The following DPP6 variants were observed in gnomAD, a reference collection of about 807,000 sequenced individuals.
DPP6 encodes dipeptidyl peptidase like 6.
DPP6 carries 69 observed loss-of-function variants against 122.6 expected under a neutral mutation model. The observed-to-expected ratio is 0.56, with a 90% confidence interval of 0.46 to 0.69. The LOEUF (loss-of-function observed/expected upper bound fraction) is 0.69, where lower values mean the gene tolerates loss of function less well. Among genes scored for constraint, DPP6 ranks in the 30% least tolerant of loss-of-function variants. DPP6 has a pLI of 0.00. For synonymous variants in DPP6, 418 were observed against 433.1 expected (o/e 0.97, Z 0.43); for missense variants, 928 against 1,116.9 (o/e 0.83, Z 2.41).
chr7:154,539,471 A>G (rs904182322), intron 3 of DPP6, among the ~76,000 whole-genome samples: 3 of 152,132 alleles, frequency 2.0e-5, no homozygotes, highest in Non-Finnish European at 2.9e-5. Context: ...ATCACACACC[A>G]GGGCCTGTTG....
rs931248011 is a variant in DPP6 at position 154,755,877 on chromosome 7, C to T, written c.884-13540C>T. ...TCTGTCTTCATCGTGTGTCTTGGGT[C>T]CCCCTTCGTAATGATACTGTCCTCA... is the stretch of plus-strand genomic sequence containing the variant. On this transcript the variant is annotated intron_variant, in intron 8 of 25. Transcript: ENST00000377770. The surrounding 1 kb of genome is among the most constrained non-coding windows in gnomAD (Gnocchi z 4.7). Among the ~76,000 whole-genome samples the T allele has an allele frequency of 6.6e-6, 1 of 152,078 alleles. No homozygotes were observed. The highest frequency in any genetic ancestry group is 1.5e-5 in the Non-Finnish European group (1 of 68,028).
intron 1 of DPP6, among the ~76,000 whole-genome samples, chr7:154,091,360 T>C (rs1804821027): frequency 6.6e-6 from 1 of 152,178 alleles, no homozygotes; most frequent in Admixed American, 6.5e-5. Context: ...TTGAGCGGTC[T>C]ATGGCTTTCT....
At chr7:154,579,178 A>G (rs1254286203) in intron 5 of DPP6, among the ~76,000 whole-genome samples, 4 of 152,034 alleles carry the variant, frequency 2.6e-5, no homozygotes, top group Non-Finnish European at 5.9e-5. Flanking sequence ...GCGAAACCCC[A>G]TCTCTACTAA....
At chr7:154,654,411 T>C (rs7457595) in intron 6 of DPP6, among the ~76,000 whole-genome samples, 1 of 40,988 alleles carries the variant, frequency 2.4e-5, no homozygotes, top group African/African-American at 5.1e-5. Flanking sequence ...AAATCTTTCT[T>C]TCTTTCTTTC....
intron 5 of DPP6, among the ~76,000 whole-genome samples, chr7:154,572,510 CTTTTTTTTTTTTT>C (rs77816407): frequency 0.085 from 7,299 of 86,226 alleles, 178 homozygotes; most frequent in Middle Eastern, 0.17. Context: ...TTTTTCTTTT[CTTTTTTTTTTTTT>C]TTTTTTTTTT....
intron 1 of DPP6, among the ~76,000 whole-genome samples, chr7:153,926,425 A>G (rs912678563): frequency 6.6e-6 from 1 of 152,166 alleles, no homozygotes; most frequent in Non-Finnish European, 1.5e-5. Context: ...TCGTTACAGG[A>G]AAGAGGATGT....
chr7:154,799,699 A>G (rs1357152340), intron 12 of DPP6, among the ~76,000 whole-genome samples: 1 of 152,204 alleles, frequency 6.6e-6, no homozygotes, highest in Non-Finnish European at 1.5e-5. Context: ...CTCCTTCTTC[A>G]CAGATCTGCT....
At chr7:153,804,131 C>A in the DPP6 span, among the ~76,000 whole-genome samples, 1 of 151,774 alleles carries the variant, frequency 6.6e-6, no homozygotes, top group African/African-American at 2.4e-5. Context: ...CTCGCTGCAA[C>A]CTCCGCCTCC....
chr7:154,885,940 T>C (rs573754217), intron 22 of DPP6, among the ~76,000 whole-genome samples, 196 bp downstream of exon 22: 1 of 152,298 alleles, frequency 6.6e-6, no homozygotes, highest in South Asian at 2.1e-4. Flanking sequence ...ATGTTTTGAA[T>C]GAAAGTGGTC....
At chr7:154,119,511 C>G (rs1311228980) in intron 1 of DPP6, among the ~76,000 whole-genome samples, 1 of 151,556 alleles carries the variant, frequency 6.6e-6, no homozygotes, top group Admixed American at 6.6e-5. Flanking sequence ...ATCTTGGGTC[C>G]CAGTTTACCT....
intron 1 of DPP6, among the ~76,000 whole-genome samples, chr7:154,434,868 C>G (rs1278829441): frequency 1.3e-5 from 2 of 152,118 alleles, no homozygotes; most frequent in Non-Finnish European, 2.9e-5. Flanking sequence ...GAGTCTCGCT[C>G]TGGTCACCCA....
chr7:154,312,278 A>G (rs1277256169), intron 1 of DPP6, among the ~76,000 whole-genome samples: 1 of 152,192 alleles, frequency 6.6e-6, no homozygotes, highest in Non-Finnish European at 1.5e-5. Flanking sequence ...CCTTCTTAGG[A>G]AAAACTGCCA....
chr7:154,522,006 G>C (rs2337394), intron 3 of DPP6, among the ~76,000 whole-genome samples: 30,544 of 151,446 alleles, frequency 0.2, 3,092 homozygotes, highest in Admixed American at 0.25. Context: ...GCTCTGTCCC[G>C]CAGGCTGGAG....
intron 1 of DPP6, among the ~76,000 whole-genome samples, chr7:154,349,664 A>G (rs1810688543): frequency 6.6e-6 from 1 of 152,202 alleles, no homozygotes; most frequent in African/African-American, 2.4e-5. Context: ...GCATTTTAGG[A>G]AATAATAAAC....
chr7:154,647,335 G>A (rs771717488), intron 6 of DPP6, among the ~76,000 whole-genome samples: 3 of 150,350 alleles, frequency 2.0e-5, no homozygotes, highest in Non-Finnish European at 4.4e-5. Flanking sequence ...TGGAAGCTGA[G>A]AAATAACACT....
At chr7:154,676,064 C>G (rs1337566552) in intron 7 of DPP6, among the ~76,000 whole-genome samples, 2 of 152,214 alleles carry the variant, frequency 1.3e-5, no homozygotes, top group Non-Finnish European at 2.9e-5. Flanking sequence ...GGTGTGCTGT[C>G]TGGAGGTCCA....
chr7:154,522,805 G>C (rs975288153), intron 3 of DPP6, among the ~76,000 whole-genome samples: 1 of 152,232 alleles, frequency 6.6e-6, no homozygotes, highest in Non-Finnish European at 1.5e-5. Context: ...CCCCTGAACT[G>C]TCTTCACCTG....
rs570952982 is a variant in DPP6 at position 154,795,811 on chromosome 7, A to G, written c.1261-34A>G. On this transcript the variant is annotated intron_variant, in intron 11 of 25. Transcript: ENST00000377770. The stretch of plus-strand genomic sequence containing the variant: ...AAAAAAAAAAAGAAAAGAAAAGAAA[A>G]ACCCTCTTGTCTAATGCTCTCATTT... 1.9e-6 allele frequency: 3 copies of G among 1,584,600 alleles called. No homozygotes were observed. In the South Asian group the frequency reaches 3.5e-5, roughly 18 times the overall value.
chr7:154,610,707 CTGTG>C (rs10525265), intron 5 of DPP6, among the ~76,000 whole-genome samples: 1,793 of 122,030 alleles, frequency 0.015, 34 homozygotes, highest in African/African-American at 0.046. Context: ...GTGTTGTTCT[CTGTG>C]TGTGTGTGTG....
Sources: gnomAD v4.1 joint callset for allele counts (sites outside exome capture counted in the v4.1 genomes callset) on GRCh38, gnomAD v4.1.1 for gene constraint, Gnocchi (gnomAD v3.1) non-coding constraint, MANE v1.5 for transcripts, NCBI Gene and HGNC (gene_info 2026-07-23, HGNC 2026-07-21) for gene names.